AMMECR1: variants seen among roughly 807,000 people sequenced by gnomAD.
AMMECR1 encodes AMMECR nuclear protein 1, also known as nuclear protein AMMECR1.
AMMECR1 carries 3 observed loss-of-function variants against 22.5 expected under a neutral mutation model. That is an observed-to-expected ratio of 0.13 (90% CI 0.06 to 0.35). The LOEUF is 0.35. Among genes scored for constraint, AMMECR1 ranks in the 10% least tolerant of loss-of-function variants. The pLI, the probability that AMMECR1 is intolerant of heterozygous loss-of-function variation, is 1.00. For missense variants in AMMECR1, 235 were observed against 278.7 expected (o/e 0.84, Z 1.12); for synonymous variants, 130 against 116.7 (o/e 1.11, Z -0.74).
At chrX:110,200,058 T>C (rs2067389464) in intron 5 of AMMECR1, among the ~76,000 whole-genome samples, 1 of 111,471 alleles carries the variant, frequency 9.0e-6, no homozygotes, top group Admixed American at 9.5e-5. Context: ...CACCCTTGAC[T>C]CACAAGGTCT....
intron 2 of AMMECR1, among the ~76,000 whole-genome samples, chrX:110,229,632 T>C (rs1441117856): frequency 8.9e-6 from 1 of 112,187 alleles, no homozygotes; most frequent in Non-Finnish European, 1.9e-5. Context: ...CTGAGGTACC[T>C]GGTTCATCTC....
chrX:110,321,166 G>A (rs2068077594), upstream of AMMECR1, among the ~76,000 whole-genome samples: 1 of 111,640 alleles, frequency 9.0e-6, no homozygotes, highest in Non-Finnish European at 1.9e-5. Flanking sequence ...TGCACACTGG[G>A]TGGATAGAAA....
chrX:110,265,504 T>C (rs1021593750), intron 1 of AMMECR1, among the ~76,000 whole-genome samples: 1 of 112,026 alleles, frequency 8.9e-6, no homozygotes, highest in Non-Finnish European at 1.9e-5. Flanking sequence ...TTTAATACAG[T>C]AGATGCTTGG....
At chrX:110,343,180 G>A (rs1167812977) in intron 2 of AMMECR1, among the ~76,000 whole-genome samples, 1 of 111,782 alleles carries the variant, frequency 8.9e-6, no homozygotes, top group African/African-American at 3.3e-5. Flanking sequence ...ATGCAAGGAT[G>A]GTTCAACATA....
At chrX:110,217,456 G>A (rs183566546) in intron 2 of AMMECR1, among the ~76,000 whole-genome samples, 103 of 105,804 alleles carry the variant, frequency 9.7e-4, no homozygotes, top group Non-Finnish European at 5.6e-4. Context: ...AAACCCCACT[G>A]TAAAATGTGG....
rs541545719 is a variant in AMMECR1, at chrX:110,288,831, A to T, written c.474-24232T>A. ...TTCTTCAATAATGACTCTGATTTAAATGTGTCTAATCCCTCACTTATTCAA... is the reference window on the plus strand; with the variant it reads ...TTCTTCAATAATGACTCTGATTTAATTGTGTCTAATCCCTCACTTATTCAA... On this transcript the variant is annotated intron_variant, in intron 1 of 5. Transcript: ENST00000262844. 3.6e-5 allele frequency among the ~76,000 whole-genome samples: 4 copies of T among 112,245 alleles called. No homozygotes were observed. In the East Asian group the frequency reaches 1.1e-3, roughly 31 times the overall value.
intron 2 of AMMECR1, among the ~76,000 whole-genome samples, chrX:110,346,080 A>G (rs912580279): frequency 8.9e-6 from 1 of 112,398 alleles, no homozygotes; most frequent in Non-Finnish European, 1.9e-5. Flanking sequence ...TATTCTTTAA[A>G]AGATTTACAG....
intron 1 of AMMECR1, 54 bp from the exon 2 acceptor site, chrX:110,264,653 T>C: frequency 1.0e-6 from 1 of 966,528 alleles, no homozygotes. Context: ...CAAGCAAGTA[T>C]TTATTGAGTA....
At chrX:110,267,737 TTTC>T (rs748169161) in intron 1 of AMMECR1, among the ~76,000 whole-genome samples, 24 of 112,096 alleles carry the variant, frequency 2.1e-4, no homozygotes, top group Non-Finnish European at 5.6e-5. Context: ...TACCTTCTAC[TTTC>T]TTATTTATCC....
chrX:110,204,274 A>G (rs1175179007), intron 3 of AMMECR1, among the ~76,000 whole-genome samples: 1 of 111,322 alleles, frequency 9.0e-6, no homozygotes, highest in Admixed American at 9.6e-5. Flanking sequence ...TCCATCATCC[A>G]CTGAAGTGAA....
intron 1 of AMMECR1, among the ~76,000 whole-genome samples, chrX:110,300,537 T>C (rs2067960670): frequency 8.9e-6 from 1 of 112,195 alleles, no homozygotes; most frequent in African/African-American, 3.2e-5. Flanking sequence ...AACAGATCAT[T>C]AGATTAGACT....
At position 110,194,587 on chromosome X, in the gene AMMECR1, TG is replaced by T. The variant is rs1399904578; in HGVS notation, c.*3932del. 2.7e-5 allele frequency: 3 copies of T among 112,146 alleles called. No homozygotes were observed. The highest frequency in any genetic ancestry group is 5.6e-5 in the Non-Finnish European group (3 of 53,229). The allele number at this position is 112,146 out of a possible 1,213,427, so 9.2% of individuals were successfully genotyped here. On this transcript the variant is annotated 3_prime_UTR_variant, in exon 6 of 6. Coordinates refer to ENST00000262844, the MANE Select transcript of AMMECR1 (RefSeq NM_015365.3). ...GCTGGTGACAGATTCAAAGTAATTT[TG>T]GGGAACATATAAAACACTAAAATAA... is the stretch of plus-strand genomic sequence containing the variant.
intron 1 of AMMECR1, among the ~76,000 whole-genome samples, chrX:110,293,493 T>C (rs1368644922): frequency 1.8e-5 from 2 of 111,315 alleles, no homozygotes; most frequent in Non-Finnish European, 3.8e-5. Context: ...CAAAGGACCA[T>C]AGTATTACCT....
At chrX:110,376,709 C>T (rs1345286451) in intron 2 of AMMECR1, among the ~76,000 whole-genome samples, 1 of 112,529 alleles carries the variant, frequency 8.9e-6, no homozygotes, top group Non-Finnish European at 1.9e-5. Flanking sequence ...CTGGCAATTA[C>T]TAGCTAGCTA....
intron 2 of AMMECR1, among the ~76,000 whole-genome samples, chrX:110,346,442 T>C (rs184831794): frequency 9.8e-4 from 110 of 112,477 alleles, no homozygotes; most frequent in African/African-American, 3.5e-3. Flanking sequence ...TAATATGATA[T>C]TGCTAAATAT....
chrX:110,233,740 C>T (rs2067583671), intron 2 of AMMECR1, among the ~76,000 whole-genome samples: 1 of 112,244 alleles, frequency 8.9e-6, no homozygotes, highest in Admixed American at 9.4e-5. Context: ...ACACGATTAT[C>T]TCAAAAGATG....
chrX:110,222,502 C>T (rs1194945962), intron 2 of AMMECR1, among the ~76,000 whole-genome samples: 2 of 89,510 alleles, frequency 2.2e-5, no homozygotes, highest in African/African-American at 4.2e-5. Flanking sequence ...TGCTAGATGA[C>T]GAGTTAGTGG....
chrX:110,344,756 A>C (rs2068181320), intron 2 of AMMECR1, among the ~76,000 whole-genome samples: 1 of 111,847 alleles, frequency 8.9e-6, no homozygotes, highest in African/African-American at 3.3e-5. Flanking sequence ...GCTCATCATC[A>C]CTGGCCATCA....
chrX:110,417,048 G>A (rs771740698), intron 2 of AMMECR1, among the ~76,000 whole-genome samples: 66 of 112,274 alleles, frequency 5.9e-4, no homozygotes, highest in Non-Finnish European at 1.1e-3. Flanking sequence ...CTTTTCATTC[G>A]ACAGAGACTT....
Sources: gnomAD v4.1 joint callset for allele counts (sites outside exome capture counted in the v4.1 genomes callset) on GRCh38, gnomAD v4.1.1 for gene constraint, MANE v1.5 for transcripts, NCBI Gene and HGNC (gene_info 2026-07-23, HGNC 2026-07-21) for gene names.